Variants in ZMAT4 observed in about 807,000 individuals in gnomAD.
The protein encoded by ZMAT4 is zinc finger matrin-type protein 4.
In ZMAT4, 17 loss-of-function variants were observed where a neutral mutation model predicts 28.7. The ratio of observed to expected loss-of-function variants is 0.59; its 90% CI spans 0.41 to 0.89. The LOEUF is 0.89. Among genes scored for constraint, ZMAT4 ranks in the 40% least tolerant of loss-of-function variants. ZMAT4 has a pLI of 0.00. For missense variants in ZMAT4, 240 were observed against 283.8 expected (o/e 0.85, Z 1.11); for synonymous variants, 117 against 109.2 (o/e 1.07, Z -0.44).
intron 4 of ZMAT4, among the ~76,000 whole-genome samples, chr8:40,680,386 C>G (rs1809103977): frequency 6.6e-6 from 1 of 152,008 alleles, no homozygotes; most frequent in Non-Finnish European, 1.5e-5. Context: ...ATTGGTCACC[C>G]CAGCTTCGGA....
intron 5 of ZMAT4, among the ~76,000 whole-genome samples, chr8:40,599,125 T>C (rs192997567): frequency 6.6e-6 from 1 of 152,334 alleles, no homozygotes; most frequent in Non-Finnish European, 1.5e-5. Flanking sequence ...CATTCCCTTA[T>C]TGTAATTTCT....
At chr8:40,891,750 G>A (rs184707778) in intron 1 of ZMAT4, among the ~76,000 whole-genome samples, 1 of 152,240 alleles carries the variant, frequency 6.6e-6, no homozygotes, top group East Asian at 1.9e-4. Flanking sequence ...GTTAGCACAG[G>A]GACACCCTGG....
chr8:40,598,059 A>T (rs1245143646), intron 5 of ZMAT4, among the ~76,000 whole-genome samples: 2 of 144,728 alleles, frequency 1.4e-5, no homozygotes, highest in Non-Finnish European at 3.1e-5. Context: ...AGCTCCCTGA[A>T]TTTTTTTTAT....
chr8:40,787,921 G>A (rs1248983796), intron 2 of ZMAT4, among the ~76,000 whole-genome samples: 3 of 152,194 alleles, frequency 2.0e-5, no homozygotes, highest in African/African-American at 7.2e-5. Flanking sequence ...AATTGAAACT[G>A]TGGAAAGCAA....
At chr8:40,619,571 A>G (rs912380385) in intron 5 of ZMAT4, among the ~76,000 whole-genome samples, 4 of 152,196 alleles carry the variant, frequency 2.6e-5, no homozygotes, top group Non-Finnish European at 2.9e-5. Flanking sequence ...GGCAGAGAGC[A>G]GCGGCAGAAC....
At chr8:40,728,222 G>A (rs1343477308) in intron 3 of ZMAT4, among the ~76,000 whole-genome samples, 2 of 152,138 alleles carry the variant, frequency 1.3e-5, no homozygotes, top group Non-Finnish European at 2.9e-5. Context: ...TAAAACTTAA[G>A]ATAAATTTCA....
chr8:40,705,393 A>T (rs1810309163), intron 3 of ZMAT4, among the ~76,000 whole-genome samples: 1 of 152,144 alleles, frequency 6.6e-6, no homozygotes, highest in Non-Finnish European at 1.5e-5. Flanking sequence ...CACAGCACTT[A>T]TTTCACAGTC....
chr8:40,820,138 A>G (rs1014651217), intron 2 of ZMAT4, among the ~76,000 whole-genome samples: 20 of 151,080 alleles, frequency 1.3e-4, no homozygotes, highest in East Asian at 3.9e-4. Flanking sequence ...TGGACTTTCC[A>G]TGTGTGTGTA....
At chr8:40,552,496 T>C (rs991316456) in intron 6 of ZMAT4, among the ~76,000 whole-genome samples, 7 of 152,194 alleles carry the variant, frequency 4.6e-5, no homozygotes, top group African/African-American at 1.7e-4. Context: ...GATAAGCCAT[T>C]TGTGTTAAGG....
chr8:40,617,309 C>G lies in ZMAT4; in HGVS notation c.578-36048G>C, dbSNP rs116054395. ...ACACAAGAAGTTTCTTAAAAATACACATTTCGGGGTCCCTCCAGACCTACC... is the reference window on the plus strand; with the variant it reads ...ACACAAGAAGTTTCTTAAAAATACAGATTTCGGGGTCCCTCCAGACCTACC... On this transcript the variant is annotated intron_variant, in intron 5 of 6. Transcript: ENST00000297737. Among the ~76,000 whole-genome samples, 95 of 152,312 alleles carry G rather than the reference C, an allele frequency of 6.2e-4. 1 individual carries two copies. The highest frequency in any genetic ancestry group is 2.2e-3 in the African/African-American group (91 of 41,564).
chr8:40,630,140 T>C (rs1806522493), intron 5 of ZMAT4, among the ~76,000 whole-genome samples: 2 of 152,346 alleles, frequency 1.3e-5, no homozygotes, highest in East Asian at 1.9e-4. Context: ...ACAGTATTTA[T>C]CCAAATTCTC....
At chr8:40,597,485 A>T (rs114113613) in intron 5 of ZMAT4, among the ~76,000 whole-genome samples, 135 of 152,282 alleles carry the variant, frequency 8.9e-4, no homozygotes, top group African/African-American at 3.0e-3. Flanking sequence ...TCCTTCCGGG[A>T]TTCCTTGAAT....
chr8:40,802,130 A>G (rs1350200888), intron 2 of ZMAT4, among the ~76,000 whole-genome samples: 1 of 152,252 alleles, frequency 6.6e-6, no homozygotes, highest in African/African-American at 2.4e-5. Context: ...CATACATAAC[A>G]GTGAGGAATT....
chr8:40,703,947 A>G (rs1810249706), intron 3 of ZMAT4, among the ~76,000 whole-genome samples: 1 of 152,174 alleles, frequency 6.6e-6, no homozygotes, highest in South Asian at 2.1e-4. Flanking sequence ...CATGTAGTAT[A>G]TGGAATTTCT....
intron 5 of ZMAT4, among the ~76,000 whole-genome samples, chr8:40,590,965 T>C (rs746392879): frequency 2.6e-5 from 4 of 152,160 alleles, no homozygotes; most frequent in Non-Finnish European, 5.9e-5. Flanking sequence ...TGGTTGTAAC[T>C]GTCTAGAGTG....
intron 5 of ZMAT4, among the ~76,000 whole-genome samples, chr8:40,670,736 A>G (rs1005883784): frequency 3.3e-5 from 5 of 152,148 alleles, no homozygotes; most frequent in Non-Finnish European, 5.9e-5. Flanking sequence ...CAGACACTTC[A>G]CAAAGGAAGA....
At chr8:40,542,223 T>C (rs1803058668) in intron 6 of ZMAT4, among the ~76,000 whole-genome samples, 2 of 151,944 alleles carry the variant, frequency 1.3e-5, no homozygotes, top group South Asian at 4.1e-4. Context: ...CATGCCAGGC[T>C]GAGATGGAGA....
chr8:40,861,864 A>T (rs997020277), intron 1 of ZMAT4, among the ~76,000 whole-genome samples: 6 of 152,190 alleles, frequency 3.9e-5, no homozygotes, highest in Non-Finnish European at 7.3e-5. Flanking sequence ...TCAAAACCAC[A>T]ATGAGATACC....
intron 5 of ZMAT4, among the ~76,000 whole-genome samples, chr8:40,634,978 T>C (rs1005374521): frequency 6.6e-6 from 1 of 152,206 alleles, no homozygotes; most frequent in African/African-American, 2.4e-5. Flanking sequence ...TGTAGCAATA[T>C]TTCTGGAATC....
Sources: allele counts gnomAD v4.1 joint callset (sites outside exome capture counted in the v4.1 genomes callset), GRCh38; gene constraint gnomAD v4.1.1; transcripts MANE v1.5; gene names NCBI Gene and HGNC (gene_info 2026-07-23, HGNC 2026-07-21).